The following FEZ1 variants were observed in gnomAD, a reference collection of about 807,000 sequenced individuals.
FEZ1 encodes fasciculation and elongation protein zeta-1.
In FEZ1, 20 loss-of-function variants were observed where a neutral mutation model predicts 49.3. The observed-to-expected ratio is 0.41, with a 90% CI of 0.29 to 0.59. FEZ1 has a LOEUF of 0.59. Among genes scored for constraint, FEZ1 ranks in the 20% least tolerant of loss-of-function variants. The probability of loss-of-function intolerance (pLI) is 0.36; values close to 1 mark genes in which losing one functional copy is unlikely to be tolerated. For synonymous variants in FEZ1, 170 were observed against 180.9 expected (o/e 0.94, Z 0.48); for missense variants, 413 against 476.0 (o/e 0.87, Z 1.23).
intron 3 of FEZ1, among the ~76,000 whole-genome samples, chr11:125,479,161 T>C (rs1957258221): frequency 6.6e-6 from 1 of 152,200 alleles, no homozygotes; most frequent in South Asian, 2.1e-4. Flanking sequence ...CTCCCGTCAA[T>C]GAAGCCTTGA....
rs1165172382 is a variant in FEZ1, at chr11:125,495,569, C to T, written c.-46+552G>A. On this transcript the variant is annotated intron_variant, in intron 1 of 9. Transcript: ENST00000278919. The surrounding 1 kb of genome is among the most constrained non-coding windows in gnomAD (Gnocchi z 4.2). ...TTCTGACACTGCAGGAATGCGCGGT[C>T]TGGGGAAGGCTCCGCACTCTGGGGA... The T allele has an allele frequency of 4.2e-6, 2 of 470,938 alleles. No homozygotes were observed. Among genetic ancestry groups the T allele is most frequent in the Admixed American group, 4.7e-5 (2 of 42,574 alleles). 29.2% of individuals were successfully genotyped at this position (470,938 alleles called of 1,614,324 possible).
At chr11:125,480,174 G>A (rs1189792462) in intron 3 of FEZ1, among the ~76,000 whole-genome samples, 1 of 152,126 alleles carries the variant, frequency 6.6e-6, no homozygotes, top group Non-Finnish European at 1.5e-5. Context: ...TCAGGAGTTT[G>A]AAACCAGCCT....
chr11:125,454,961 C>A (rs1327204086), intron 6 of FEZ1, among the ~76,000 whole-genome samples: 3 of 150,258 alleles, frequency 2.0e-5, no homozygotes, highest in Non-Finnish European at 4.4e-5. Flanking sequence ...TTGCAGTGAA[C>A]CGAGATCGCA....
chr11:125,462,048 G>A (rs1400455881), intron 4 of FEZ1, among the ~76,000 whole-genome samples: 1 of 152,138 alleles, frequency 6.6e-6, no homozygotes, highest in Non-Finnish European at 1.5e-5. Context: ...CACAAGAATA[G>A]CTATTAGCCC....
chr11:125,451,935 C>T (rs1226531160), intron 8 of FEZ1, among the ~76,000 whole-genome samples: 2 of 152,202 alleles, frequency 1.3e-5, no homozygotes, highest in South Asian at 4.1e-4. Flanking sequence ...AGAGACCAGG[C>T]GCCCTGCTTC....
intron 1 of FEZ1, among the ~76,000 whole-genome samples, chr11:125,494,012 A>T (rs1339136374): frequency 6.6e-6 from 1 of 152,258 alleles, no homozygotes; most frequent in African/African-American, 2.4e-5. Flanking sequence ...CTAGAAAATT[A>T]TAAAAGACGA....
At chr11:125,472,443 TAC>T (rs1029319713) in intron 3 of FEZ1, among the ~76,000 whole-genome samples, 2 of 152,160 alleles carry the variant, frequency 1.3e-5, no homozygotes, top group African/African-American at 4.8e-5. Flanking sequence ...CTATAAATCT[TAC>T]AGACATTTTC....
chr11:125,481,544 G>A lies in FEZ1; in HGVS notation c.401C>T (p.Ser134Phe), dbSNP rs745810555. The A allele has an allele frequency of 4.9e-5, 79 of 1,606,656 alleles. No homozygotes were observed. The East Asian group carries it at 1.3e-3, about 27-fold the overall frequency. Residue 134 changes from serine (S) to phenylalanine (F), a missense_variant, in exon 3 of 10, where the codon TCT (serine) becomes TTT (phenylalanine). Physicochemically the swap from Ser to Phe is radical, Grantham distance 155 (BLOSUM62 -2). Transcript: ENST00000278919. ...GCCCCGGAGAGGTACCTCAGTGTCA[G>A]AGCAGTTGCCATTCAGAGCCTCGAT... ...PNIEALNGNC[S>F]DTEIHEKEEE...
Position 125,471,759 on chromosome 11 carries a change from C to T in FEZ1, c.412-8189G>A, listed in dbSNP as rs143524099. On this transcript the variant is annotated intron_variant, in intron 3 of 9. Transcript: ENST00000278919. ...ACAGGAATTCAACAATACTATCAAC[C>T]AAGTTAACCTGGTTGACATTTATAG... Among the ~76,000 whole-genome samples the T allele has an allele frequency of 5.9e-3, 894 of 152,066 alleles. 10 individuals are homozygous for T. The highest frequency in any genetic ancestry group is 0.019 in the African/African-American group (804 of 41,524).
chr11:125,457,720 C>T (rs1957033824), intron 5 of FEZ1, among the ~76,000 whole-genome samples: 2 of 151,928 alleles, frequency 1.3e-5, no homozygotes, highest in South Asian at 4.2e-4. Context: ...ATAATAATCA[C>T]ATCATGGAGA....
At chr11:125,452,646 C>T in intron 7 of FEZ1, 1 of 467,020 alleles carries the variant, frequency 2.1e-6, no homozygotes, top group Non-Finnish European at 3.8e-6. Context: ...ACACTACAAA[C>T]TTCTCTGTTA....
In FEZ1 at chr11:125,460,631, G is replaced by A; in HGVS notation, c.534C>T (p.Ser178=). The A allele has an allele frequency of 6.2e-7, 1 of 1,614,032 alleles. No individual in the cohort carries two copies. The highest frequency in any genetic ancestry group is 1.1e-5 in the South Asian group (1 of 91,082). ...CCTCCTCTTCTTCCTCAGGGTCTGG[G>A]GAGTTCTGCATCATTTCCTCAATCT... The part of the protein sequence containing the change: ...IEEIEEMMQN[S]PDPEEEEEVL... The change falls in exon 5 of 10, where the codon TCC becomes TCT. Residue 178 remains serine (S), a synonymous_variant. Transcript: ENST00000278919.
intron 7 of FEZ1, 175 bp from the exon 8 acceptor site, chr11:125,452,584 A>G: frequency 1.8e-6 from 1 of 564,892 alleles, no homozygotes; most frequent in South Asian, 2.5e-5. Context: ...ATGTCTCTTT[A>G]AAAGTAAGAC....
chr11:125,476,949 T>C (rs1246949549), intron 3 of FEZ1, among the ~76,000 whole-genome samples: 2 of 151,930 alleles, frequency 1.3e-5, no homozygotes, highest in East Asian at 3.9e-4. Context: ...GACAAAAGAA[T>C]CCCCAGCATG....
chr11:125,483,948 T>C (rs1463945884), intron 2 of FEZ1, among the ~76,000 whole-genome samples: 2 of 152,260 alleles, frequency 1.3e-5, no homozygotes, highest in East Asian at 3.8e-4. Context: ...CTTCTGATTC[T>C]ACATTTTTAG....
rs1283025392 is a variant in FEZ1, at chr11:125,495,227, G to A, written c.-46+894C>T. The stretch of plus-strand genomic sequence containing the variant: ...CCTCCTCCAGGCAGCACAATGGCTG[G>A]CACTCTGAGGAAGCCGGACTCATCC... On this transcript the variant is annotated intron_variant, in intron 1 of 9. Coordinates refer to ENST00000278919, the MANE Select transcript of FEZ1 (RefSeq NM_005103.5). This position sits in a 1 kb window ranked among gnomAD's most constrained non-coding sequence, Gnocchi z 4.2. 2.6e-6 allele frequency: 1 copy of A among 379,294 alleles called. No individual in the cohort carries two copies. The highest frequency in any genetic ancestry group is 5.5e-6 in the Non-Finnish European group (1 of 180,548). 23.5% of individuals were successfully genotyped at this position (379,294 alleles called of 1,614,324 possible). A position where few individuals can be genotyped will look rare whatever the true frequency, so the allele number is the denominator to read the frequency against.
At chr11:125,452,187 G>A in intron 8 of FEZ1, 147 bp downstream of exon 8, 1 of 656,280 alleles carries the variant, frequency 1.5e-6, no homozygotes, top group South Asian at 1.8e-5. Context: ...CACTGTGCGG[G>A]AGGATGTGAC....
intron 5 of FEZ1, among the ~76,000 whole-genome samples, chr11:125,457,457 TATACAC>T (rs1326737583): frequency 0.058 from 4,782 of 81,912 alleles, 286 homozygotes; most frequent in South Asian, 0.086. Context: ...TATATGTATA[TATACAC>T]ATATATATGT....
chr11:125,446,216 G>T, intron 9 of FEZ1, 105 bp from the exon 10 acceptor site: 1 of 1,035,268 alleles, frequency 9.7e-7, no homozygotes, highest in Non-Finnish European at 1.5e-6. Flanking sequence ...CAGCTCCTGA[G>T]TGGTGACAGC....
Sources: gnomAD v4.1 joint callset for allele counts (sites outside exome capture counted in the v4.1 genomes callset) on GRCh38, gnomAD v4.1.1 for gene constraint, Gnocchi (gnomAD v3.1) non-coding constraint, MANE v1.5 for transcripts, NCBI Gene and HGNC (gene_info 2026-07-23, HGNC 2026-07-21) for gene names.